The following HERC4 variants were observed in gnomAD, a reference collection of about 807,000 sequenced individuals.
HERC4 encodes the protein probable E3 ubiquitin-protein ligase HERC4.
Under a neutral mutation model 124.3 loss-of-function variants are expected in HERC4, and 28 were observed. That is an observed-to-expected ratio of 0.23 (90% CI 0.17 to 0.31). The LOEUF (loss-of-function observed/expected upper bound fraction) is 0.31, where lower values mean the gene tolerates loss of function less well. Among genes scored for constraint, HERC4 ranks in the 10% least tolerant of loss-of-function variants. The probability of loss-of-function intolerance (pLI) is 1.00; values close to 1 mark genes in which losing one functional copy is unlikely to be tolerated. For synonymous variants in HERC4, 407 were observed against 421.5 expected, an observed-to-expected ratio of 0.97 and a Z score of 0.42; for missense variants, 713 against 1,229.3, an observed-to-expected ratio of 0.58 and a Z score of 6.28.
chr10:68,025,499 ACAACTG>A, intron 8 of HERC4, 41 bp downstream of exon 8: 1 of 1,560,828 alleles, frequency 6.4e-7, no homozygotes, highest in Non-Finnish European at 8.7e-7. Context: ...CAATCCCTAA[ACAACTG>A]CAGTTTAGAG....
chr10:68,021,339 A>G (rs960177421), intron 8 of HERC4, among the ~76,000 whole-genome samples: 2 of 152,242 alleles, frequency 1.3e-5, no homozygotes, highest in Non-Finnish European at 2.9e-5. Flanking sequence ...TAATATATGT[A>G]ATCAATGTAA....
intron 3 of HERC4, among the ~76,000 whole-genome samples, chr10:68,049,590 C>CCAAA (rs1554827735): frequency 1.4e-4 from 6 of 42,620 alleles, no homozygotes; most frequent in African/African-American, 7.0e-4. Context: ...GACACTGCCA[C>CCAAA]AAAAAAAAAA....
intron 8 of HERC4, among the ~76,000 whole-genome samples, chr10:68,014,758 A>T (rs1004497376): frequency 6.6e-6 from 1 of 152,206 alleles, no homozygotes; most frequent in Non-Finnish European, 1.5e-5. Context: ...GAAACCACAG[A>T]TCTGAAGCTA....
chr10:68,012,215 G>A (rs1407049696), intron 9 of HERC4, among the ~76,000 whole-genome samples: 1 of 152,138 alleles, frequency 6.6e-6, no homozygotes, highest in African/African-American at 2.4e-5. Flanking sequence ...TCAGCAATAA[G>A]GCTGTTTTTC....
At chr10:68,004,911 C>T (rs929451652) in intron 9 of HERC4, among the ~76,000 whole-genome samples, 6 of 152,130 alleles carry the variant, frequency 3.9e-5, no homozygotes, top group Non-Finnish European at 7.4e-5. Flanking sequence ...ATGAGGATTA[C>T]GATTCAAGAT....
At chr10:67,959,178 C>A in intron 16 of HERC4, 1 of 1,540,284 alleles carries the variant, frequency 6.5e-7, no homozygotes, top group Admixed American at 2.0e-5. Flanking sequence ...GAGGAAAGAG[C>A]AATATTAGTG....
chr10:67,922,028 T>C lies in HERC4; in HGVS notation c.*903A>G, dbSNP rs1388947681. The C allele has an allele frequency of 2.0e-5, 3 of 152,204 alleles. No homozygotes were observed. The allele number at this position is 152,204 out of a possible 1,614,324, so 9.4% of individuals were successfully genotyped here. On this transcript the variant is annotated 3_prime_UTR_variant, in exon 25 of 25. Transcript: ENST00000373700. Reference sequence around the variant, plus strand: ...GTATTGCATCAACTCACTTTTACAATTTAATGGCATGAGACAACTAAGCAT... The same window carrying C: ...GTATTGCATCAACTCACTTTTACAACTTAATGGCATGAGACAACTAAGCAT...
At chr10:67,936,131 G>A in intron 22 of HERC4, 22 bp downstream of exon 22, 1 of 1,502,630 alleles carries the variant, frequency 6.7e-7, no homozygotes, top group Non-Finnish European at 9.1e-7. Flanking sequence ...TACTCCCACT[G>A]TTGCTGCTAA....
rs376857729 is a variant in HERC4, at chr10:67,930,540, T to C, written c.2838+2057A>G. Among the ~76,000 whole-genome samples, 9 of 152,322 alleles carry C rather than the reference T, an allele frequency of 5.9e-5. 1 individual carries two copies. In the East Asian group the frequency reaches 1.7e-3, roughly 29 times the overall value. Reference sequence around the variant, plus strand: ...ACTTTGTATCCCCATCGGCAACATATAAATGTTCCTGATGCTTTGCACCTA... The same window carrying C: ...ACTTTGTATCCCCATCGGCAACATACAAATGTTCCTGATGCTTTGCACCTA... On this transcript the variant is annotated intron_variant, in intron 23 of 24. Transcript: ENST00000373700.
intron 23 of HERC4, among the ~76,000 whole-genome samples, chr10:67,929,239 G>T (rs2031506422): frequency 6.6e-6 from 1 of 152,270 alleles, no homozygotes; most frequent in South Asian, 2.1e-4. Context: ...ATTCTGGGGT[G>T]TATACAGTTC....
chr10:68,052,634 G>C (rs1179501286), intron 3 of HERC4, among the ~76,000 whole-genome samples: 2 of 151,974 alleles, frequency 1.3e-5, no homozygotes, highest in Admixed American at 6.6e-5. Flanking sequence ...TGAGTAACTG[G>C]GTAAAAATAT....
chr10:68,025,487 A>C, intron 8 of HERC4, 59 bp downstream of exon 8: 1 of 1,508,084 alleles, frequency 6.6e-7, no homozygotes, highest in Non-Finnish European at 8.9e-7. Context: ...CAATTCAATA[A>C]GCAATCCCTA....
chr10:68,048,467 G>T (rs954270274), intron 3 of HERC4, among the ~76,000 whole-genome samples: 2 of 152,172 alleles, frequency 1.3e-5, no homozygotes, highest in Non-Finnish European at 2.9e-5. Context: ...GACAACGATG[G>T]AGACAGTAAA....
chr10:68,008,226 A>G (rs1043560438), intron 9 of HERC4, among the ~76,000 whole-genome samples: 58 of 152,182 alleles, frequency 3.8e-4, no homozygotes, highest in African/African-American at 1.3e-3. Flanking sequence ...CATGGCCACC[A>G]CTGCTAAGAC....
At chr10:67,990,481 A>G (rs1304022368) in intron 13 of HERC4, 81 bp from the exon 14 acceptor site, 1 of 847,382 alleles carries the variant, frequency 1.2e-6, no homozygotes, top group African/African-American at 1.8e-5. Flanking sequence ...GGAAGGCAGG[A>G]AGAAAAGAAA....
Position 67,968,459 on chromosome 10 carries a change from G to A in HERC4, c.1807-1657C>T, listed in dbSNP as rs533576731. ...GTGATCTCGGCTCACTGCAAGCTCCGCCTCTCAGGTTCATGCCATTCTCCT... is the reference window on the plus strand; with the variant it reads ...GTGATCTCGGCTCACTGCAAGCTCCACCTCTCAGGTTCATGCCATTCTCCT... On this transcript the variant is annotated intron_variant, in intron 15 of 24. Coordinates refer to ENST00000373700, the MANE Select transcript of HERC4 (RefSeq NM_015601.4). Among the ~76,000 whole-genome samples, 55 of 143,760 alleles carry A rather than the reference G, an allele frequency of 3.8e-4. 1 individual carries two copies. In the South Asian group the frequency reaches 0.012, roughly 30 times the overall value. 94.3% of individuals were successfully genotyped at this position (143,760 alleles called of 152,430 possible).
At chr10:67,937,028 A>G (rs1031904959) in intron 21 of HERC4, among the ~76,000 whole-genome samples, 5 of 152,210 alleles carry the variant, frequency 3.3e-5, no homozygotes, top group Admixed American at 6.5e-5. Flanking sequence ...ATTCTAAACT[A>G]GAGGAAGTGT....
At chr10:67,990,056 A>C (rs2036470085) in intron 14 of HERC4, among the ~76,000 whole-genome samples, 155 bp downstream of exon 14, 1 of 152,096 alleles carries the variant, frequency 6.6e-6, no homozygotes, top group Non-Finnish European at 1.5e-5. Flanking sequence ...GAATCAAAAG[A>C]CTAGACAAAA....
chr10:67,980,922 C>G (rs2035893607), intron 15 of HERC4, among the ~76,000 whole-genome samples: 1 of 151,752 alleles, frequency 6.6e-6, no homozygotes, highest in Admixed American at 6.6e-5. Context: ...AAATAAAAAG[C>G]AAAAACTAAA....
Sources: allele counts gnomAD v4.1 joint callset (sites outside exome capture counted in the v4.1 genomes callset), GRCh38; gene constraint gnomAD v4.1.1; transcripts MANE v1.5; gene names NCBI Gene and HGNC (gene_info 2026-07-23, HGNC 2026-07-21).